DNM3: variants seen among roughly 807,000 people sequenced by gnomAD.
DNM3 encodes the protein dynamin-3.
In DNM3, 47 loss-of-function variants were observed where a neutral mutation model predicts 101.6. The observed-to-expected ratio is 0.46, with a 90% CI of 0.37 to 0.59. DNM3 has a LOEUF of 0.59. DNM3 is among the 20% of genes least tolerant of loss of function. The pLI, the probability that DNM3 is intolerant of heterozygous loss-of-function variation, is 0.00. For missense variants in DNM3, 849 were observed against 1,085.7 expected (o/e 0.78, Z 3.06); for synonymous variants, 385 against 387.9 (o/e 0.99, Z 0.09).
intron 2 of DNM3, among the ~76,000 whole-genome samples, chr1:171,947,369 C>G (rs2042234930): frequency 6.6e-6 from 1 of 152,108 alleles, no homozygotes. Context: ...GAATTTCTTA[C>G]AGCATGTATG....
At chr1:172,294,932 T>TA (rs1308704635) in intron 15 of DNM3, among the ~76,000 whole-genome samples, 1 of 137,924 alleles carries the variant, frequency 7.3e-6, no homozygotes, top group African/African-American at 2.7e-5. Flanking sequence ...AAAAAAAAAG[T>TA]AAAAAGTTAT....
At chr1:172,302,731 C>A (rs1385015458) in intron 15 of DNM3, among the ~76,000 whole-genome samples, 2 of 152,126 alleles carry the variant, frequency 1.3e-5, no homozygotes, top group Non-Finnish European at 1.5e-5. Context: ...GATACCAAGG[C>A]AAACAGGGTC....
intron 1 of DNM3, among the ~76,000 whole-genome samples, chr1:171,853,543 A>C (rs1457193852): frequency 6.6e-6 from 1 of 152,218 alleles, no homozygotes; most frequent in African/African-American, 2.4e-5. Flanking sequence ...TCAGTGGTAT[A>C]CTAGTCTAGA....
At chr1:172,278,355 AC>A (rs1251705933) in intron 15 of DNM3, among the ~76,000 whole-genome samples, 1 of 149,178 alleles carries the variant, frequency 6.7e-6, no homozygotes, top group African/African-American at 2.6e-5. Context: ...TTCCCTGGCC[AC>A]ATTGGAAGAA....
chr1:172,370,233 G>A (rs891536665), intron 17 of DNM3: 9 of 151,846 alleles, frequency 5.9e-5, no homozygotes, highest in African/African-American at 2.2e-4. Flanking sequence ...ATGGCTACTA[G>A]AAATGTGGCT....
At chr1:172,304,218 A>T (rs867678108) in intron 15 of DNM3, among the ~76,000 whole-genome samples, 1 of 135,042 alleles carries the variant, frequency 7.4e-6, no homozygotes, top group East Asian at 2.0e-4. Context: ...AAAAAAAAAA[A>T]AAAACAGGAG....
At chr1:172,246,607 C>T (rs1174899403) in intron 14 of DNM3, among the ~76,000 whole-genome samples, 1 of 152,030 alleles carries the variant, frequency 6.6e-6, no homozygotes, top group Non-Finnish European at 1.5e-5. Context: ...CAATTAGAAA[C>T]GTTCTGTGTG....
At chr1:172,166,946 T>A (rs2058767012) in intron 14 of DNM3, among the ~76,000 whole-genome samples, 1 of 151,812 alleles carries the variant, frequency 6.6e-6, no homozygotes. Flanking sequence ...ATACTTTAAG[T>A]TCTAGGATAC....
intron 1 of DNM3, among the ~76,000 whole-genome samples, chr1:171,858,427 T>G (rs1243995585): frequency 1.3e-5 from 2 of 152,106 alleles, no homozygotes; most frequent in East Asian, 3.9e-4. Flanking sequence ...TGACTTAGCT[T>G]TCCTACCCGA....
At position 172,350,357 on chromosome 1, in the gene DNM3, G is replaced by A. The variant is rs549154532; in HGVS notation, c.1893+27017G>A. On this transcript the variant is annotated intron_variant, in intron 17 of 20. Transcript: ENST00000627582. The stretch of plus-strand genomic sequence containing the variant: ...GTGTGTGTGTGTGTTTGTGTGTCTT[G>A]TATGTGGAATATTCTTACAGCTAGT... 4.0e-5 allele frequency among the ~76,000 whole-genome samples: 6 copies of A among 151,530 alleles called. No homozygotes were observed. In the East Asian group the frequency reaches 1.2e-3, roughly 29 times the overall value.
chr1:172,112,351 T>A (rs2055547925), intron 13 of DNM3, among the ~76,000 whole-genome samples: 1 of 152,228 alleles, frequency 6.6e-6, no homozygotes, highest in Non-Finnish European at 1.5e-5. Flanking sequence ...AGCTAGGATT[T>A]AAACTCATGA....
chr1:171,874,185 C>G (rs765314486), intron 1 of DNM3, among the ~76,000 whole-genome samples: 1 of 152,058 alleles, frequency 6.6e-6, no homozygotes, highest in Non-Finnish European at 1.5e-5. Flanking sequence ...TACAAACACA[C>G]ATAAATTTCT....
At chr1:172,010,928 C>T (rs549251241) in intron 4 of DNM3, among the ~76,000 whole-genome samples, 18 of 151,396 alleles carry the variant, frequency 1.2e-4, no homozygotes, top group East Asian at 5.8e-4. Flanking sequence ...TTTTCCCTGA[C>T]GAGAGGTCAT....
intron 10 of DNM3, among the ~76,000 whole-genome samples, chr1:172,058,169 A>G (rs1024351410): frequency 1.3e-5 from 2 of 149,302 alleles, no homozygotes; most frequent in African/African-American, 5.0e-5. Flanking sequence ...TATGCACCCA[A>G]TACAGGAGCA....
chr1:171,896,561 G>T (rs1293768481), intron 1 of DNM3, among the ~76,000 whole-genome samples: 1 of 152,000 alleles, frequency 6.6e-6, no homozygotes. Context: ...GACACGATGG[G>T]GTTTTCTAAA....
chr1:171,988,278 T>C (rs888391722), intron 3 of DNM3, among the ~76,000 whole-genome samples: 1 of 152,172 alleles, frequency 6.6e-6, no homozygotes, highest in East Asian at 1.9e-4. Flanking sequence ...GGAAATAACC[T>C]GTATGCTGAC....
intron 14 of DNM3, among the ~76,000 whole-genome samples, chr1:172,142,736 TAAAA>T (rs201730089): frequency 1.3e-4 from 15 of 114,788 alleles, no homozygotes; most frequent in African/African-American, 3.7e-4. Context: ...ATTTCTAGAG[TAAAA>T]AAAAAAAAAA....
intron 14 of DNM3, among the ~76,000 whole-genome samples, chr1:172,220,234 G>A (rs924392583): frequency 6.6e-6 from 1 of 152,148 alleles, no homozygotes; most frequent in Non-Finnish European, 1.5e-5. Flanking sequence ...CAGATTGTAG[G>A]TTAAACCCTA....
intron 1 of DNM3, among the ~76,000 whole-genome samples, chr1:171,889,272 C>T (rs1479732932): frequency 6.6e-6 from 1 of 152,112 alleles, no homozygotes; most frequent in Non-Finnish European, 1.5e-5. Context: ...AGCCACTGTG[C>T]TTGGCCGTGA....
Sources: gnomAD v4.1 joint callset for allele counts (sites outside exome capture counted in the v4.1 genomes callset) on GRCh38, gnomAD v4.1.1 for gene constraint, MANE v1.5 for transcripts, NCBI Gene and HGNC (gene_info 2026-07-23, HGNC 2026-07-21) for gene names.